MAST4: variants seen among roughly 807,000 people sequenced by gnomAD.
MAST4 encodes the protein microtubule-associated serine/threonine-protein kinase 4.
A neutral mutation model predicts 162.7 loss-of-function variants in MAST4; 89 were observed. The observed-to-expected ratio is 0.55, with a 90% CI of 0.46 to 0.65. The LOEUF is 0.65. Among genes scored for constraint, MAST4 ranks in the 30% least tolerant of loss-of-function variants. MAST4 has a pLI of 0.00. For synonymous variants in MAST4, 1,479 were observed against 1,361.1 expected, an observed-to-expected ratio of 1.09 and a Z score of -1.91; for missense variants, 3,153 against 3,374.0, an observed-to-expected ratio of 0.93 and a Z score of 1.62.
At chr5:66,907,158 C>CAAGAGAGAGAGAGA (rs1554066737) in intron 4 of MAST4, among the ~76,000 whole-genome samples, 16 of 104,354 alleles carry the variant, frequency 1.5e-4, no homozygotes, top group Middle Eastern at 4.7e-3. Flanking sequence ...CTCAGCAAAG[C>CAAGAGAGAGAGAGA]GAGAGAGAGA....
chr5:66,783,804 G>T (rs1476531525), intron 2 of MAST4, among the ~76,000 whole-genome samples: 1 of 152,138 alleles, frequency 6.6e-6, no homozygotes, highest in African/African-American at 2.4e-5. Flanking sequence ...CAAAACTGCA[G>T]TATTGAAAGC....
chr5:66,741,915 G>C (rs1260167863), intron 1 of MAST4, among the ~76,000 whole-genome samples: 1 of 152,158 alleles, frequency 6.6e-6, no homozygotes, highest in Non-Finnish European at 1.5e-5. Context: ...GGAATTCATT[G>C]CTTAAAATCC....
intron 4 of MAST4, among the ~76,000 whole-genome samples, chr5:67,016,529 G>A (rs1057152207): frequency 6.6e-6 from 1 of 152,202 alleles, no homozygotes; most frequent in African/African-American, 2.4e-5. Flanking sequence ...AGGGAAGAGA[G>A]TGAAAAATAG....
chr5:66,599,904 A>G (rs1429369759), intron 1 of MAST4, among the ~76,000 whole-genome samples: 4 of 145,204 alleles, frequency 2.8e-5, no homozygotes, highest in African/African-American at 1.1e-4. Context: ...TGGGAAATTG[A>G]TTATTTCTAA....
At chr5:66,677,599 A>T (rs1449125833) in intron 1 of MAST4, among the ~76,000 whole-genome samples, 2 of 152,196 alleles carry the variant, frequency 1.3e-5, no homozygotes, top group East Asian at 1.9e-4. Flanking sequence ...AGTAAGAGAG[A>T]TAGAAAAGGA....
chr5:67,007,946 ACT>A (rs1752234098), intron 4 of MAST4, among the ~76,000 whole-genome samples: 1 of 152,018 alleles, frequency 6.6e-6, no homozygotes, highest in Non-Finnish European at 1.5e-5. Context: ...GAACTGAAAG[ACT>A]CTGTCCCTTG....
intron 4 of MAST4, among the ~76,000 whole-genome samples, chr5:66,950,627 T>C (rs1744568485): frequency 6.6e-6 from 1 of 152,202 alleles, no homozygotes; most frequent in South Asian, 2.1e-4. Context: ...TTCTCTTCTT[T>C]TTAAGGCTGA....
At chr5:66,796,917 A>G (rs1444904582) in intron 3 of MAST4, among the ~76,000 whole-genome samples, 1 of 152,180 alleles carries the variant, frequency 6.6e-6, no homozygotes. Context: ...TATGAAAGGA[A>G]CACTGAGGAG....
intron 4 of MAST4, among the ~76,000 whole-genome samples, chr5:66,952,100 G>T (rs1206365259): frequency 6.6e-6 from 1 of 152,142 alleles, no homozygotes; most frequent in Non-Finnish European, 1.5e-5. Context: ...AGGTGTACAG[G>T]TGGCAAACTT....
intron 4 of MAST4, among the ~76,000 whole-genome samples, chr5:66,996,347 ATATCT>A (rs1750656464): frequency 1.3e-5 from 2 of 152,254 alleles, no homozygotes; most frequent in African/African-American, 2.4e-5. Context: ...CATATATATA[ATATCT>A]TAATGTAGAT....
intron 5 of MAST4, among the ~76,000 whole-genome samples, chr5:67,084,806 T>C (rs1763063675): frequency 6.6e-6 from 1 of 152,208 alleles, no homozygotes; most frequent in Non-Finnish European, 1.5e-5. Flanking sequence ...CTTAGCATTG[T>C]TGACTGGTTT....
chr5:66,905,874 A>T (rs931464443), intron 4 of MAST4, among the ~76,000 whole-genome samples: 2 of 152,162 alleles, frequency 1.3e-5, no homozygotes, highest in African/African-American at 4.8e-5. Context: ...GTGATTATGG[A>T]AACTAGGGTT....
At chr5:66,933,518 G>C (rs1048006003) in intron 4 of MAST4, among the ~76,000 whole-genome samples, 1 of 152,146 alleles carries the variant, frequency 6.6e-6, no homozygotes, top group African/African-American at 2.4e-5. Context: ...TCTTATCCTG[G>C]AATCAGTGGA....
chr5:66,681,150 G>A (rs1422595455), intron 1 of MAST4, among the ~76,000 whole-genome samples: 3 of 152,202 alleles, frequency 2.0e-5, no homozygotes, highest in Non-Finnish European at 4.4e-5. Context: ...AATATATCGG[G>A]CTATCAGATT....
intron 2 of MAST4, among the ~76,000 whole-genome samples, chr5:66,762,154 C>G (rs1218843561): frequency 6.6e-6 from 1 of 152,116 alleles, no homozygotes; most frequent in Non-Finnish European, 1.5e-5. Flanking sequence ...TTTAACAGCT[C>G]TAGCAAGTCA....
At chr5:67,095,821 G>T (rs1273185879) in intron 7 of MAST4, 146 bp downstream of exon 7, 4 of 528,234 alleles carry the variant, frequency 7.6e-6, no homozygotes, top group Non-Finnish European at 1.3e-5. Context: ...CACATCAAAT[G>T]ATGGCCTGAC....
At chr5:66,675,145 C>T (rs1193445140) in intron 1 of MAST4, among the ~76,000 whole-genome samples, 2 of 152,194 alleles carry the variant, frequency 1.3e-5, no homozygotes, top group East Asian at 1.9e-4. Flanking sequence ...ATAGGCACAC[C>T]TATTTGCTGA....
At chr5:66,678,218 A>AGAG (rs1050177341) in intron 1 of MAST4, among the ~76,000 whole-genome samples, 1 of 151,958 alleles carries the variant, frequency 6.6e-6, no homozygotes, top group Non-Finnish European at 1.5e-5. Context: ...GAACTCACAG[A>AGAG]AGCAGAGAGT....
intron 4 of MAST4, among the ~76,000 whole-genome samples, chr5:66,956,771 C>T (rs894503317): frequency 4.6e-5 from 7 of 152,174 alleles, no homozygotes; most frequent in African/African-American, 1.7e-4. Flanking sequence ...CACAGGGAAG[C>T]TGTTGGAGGA....
Sources: allele counts gnomAD v4.1 joint callset (sites outside exome capture counted in the v4.1 genomes callset), GRCh38; gene constraint gnomAD v4.1.1; transcripts MANE v1.5; gene names NCBI Gene and HGNC (gene_info 2026-07-23, HGNC 2026-07-21).